FRS2: variants seen among roughly 807,000 people sequenced by gnomAD.
FRS2 encodes fibroblast growth factor receptor substrate 2, also known as FGFR signalling adaptor.
FRS2 carries 8 observed loss-of-function variants against 43.9 expected under a neutral mutation model. That is an observed-to-expected ratio of 0.18 (90% CI 0.11 to 0.33). FRS2 has a LOEUF of 0.33. Ranked by LOEUF, FRS2 falls within the 10% of genes least tolerant of loss-of-function variation. FRS2 has a pLI of 1.00. For synonymous variants in FRS2, 219 were observed against 220.3 expected, an observed-to-expected ratio of 0.99 and a Z score of 0.05; for missense variants, 534 against 627.6, an observed-to-expected ratio of 0.85 and a Z score of 1.59.
At chr12:69,528,817 C>A (rs1223596353) in intron 1 of FRS2, among the ~76,000 whole-genome samples, 5 of 152,060 alleles carry the variant, frequency 3.3e-5, no homozygotes, top group African/African-American at 1.2e-4. Flanking sequence ...AGATGACTTA[C>A]AAAAACAAAG....
intron 3 of FRS2, among the ~76,000 whole-genome samples, chr12:69,540,184 C>T (rs1435080552): frequency 1.4e-5 from 2 of 144,200 alleles, no homozygotes; most frequent in Non-Finnish European, 3.0e-5. Flanking sequence ...ACCCAGGAGG[C>T]AGAGCTTGCA....
intron 3 of FRS2, among the ~76,000 whole-genome samples, chr12:69,552,327 A>AAAC (rs1818623437): frequency 6.7e-6 from 1 of 149,668 alleles, no homozygotes; most frequent in East Asian, 2.1e-4. Flanking sequence ...AAAAAAAAAA[A>AAAC]TCATGTCTCA....
At chr12:69,534,391 G>C (rs988239556) in intron 3 of FRS2, among the ~76,000 whole-genome samples, 9 of 152,054 alleles carry the variant, frequency 5.9e-5, no homozygotes, top group African/African-American at 2.2e-4. Flanking sequence ...ATTCAGAATA[G>C]GTTGAAACTC....
At chr12:69,518,075 G>A (rs1187270950) in intron 1 of FRS2, among the ~76,000 whole-genome samples, 1 of 152,138 alleles carries the variant, frequency 6.6e-6, no homozygotes, top group Non-Finnish European at 1.5e-5. Context: ...TCTTAACTAA[G>A]TTTTGTGGAT....
Position 69,503,549 on chromosome 12 carries a change from G to C in FRS2, c.-260-27316G>C, listed in dbSNP as rs749002863. Reference sequence around the variant, plus strand: ...CCAGTAAGTGATGCAGTCGCCTCTTGTGTGTGGTGTGTGAAGAGGAGCATT... The same window carrying C: ...CCAGTAAGTGATGCAGTCGCCTCTTCTGTGTGGTGTGTGAAGAGGAGCATT... On this transcript the variant is annotated intron_variant, in intron 1 of 8. Transcript: ENST00000549921. 3.2e-4 allele frequency among the ~76,000 whole-genome samples: 48 copies of C among 152,140 alleles called. 1 individual carries two copies. Among genetic ancestry groups the C allele is most frequent in the Admixed American group, 2.0e-4 (3 of 15,274 alleles).
At chr12:69,498,519 T>TTG (rs71094717) in intron 1 of FRS2, among the ~76,000 whole-genome samples, 2,532 of 141,568 alleles carry the variant, frequency 0.018, 29 homozygotes, top group African/African-American at 0.027. Context: ...TTATGAGGGT[T>TTG]TGTGTGTGTG....
intron 3 of FRS2, among the ~76,000 whole-genome samples, chr12:69,536,582 T>TG (rs2135685412): frequency 6.6e-6 from 1 of 151,162 alleles, no homozygotes; most frequent in Admixed American, 6.6e-5. Flanking sequence ...TTTTTTAATT[T>TG]TTTTTTTTCT....
intron 1 of FRS2, among the ~76,000 whole-genome samples, chr12:69,520,381 T>G (rs1193714173): frequency 1.3e-5 from 2 of 150,476 alleles, no homozygotes; most frequent in Admixed American, 6.6e-5. Flanking sequence ...TATTAGTTTT[T>G]TTTTTTTTTT....
intron 1 of FRS2, among the ~76,000 whole-genome samples, chr12:69,500,814 G>T (rs1404934507): frequency 6.6e-6 from 1 of 152,122 alleles, no homozygotes; most frequent in Non-Finnish European, 1.5e-5. Context: ...ATATACAAAG[G>T]TATGAACCAA....
At chr12:69,477,460 T>G (rs1031737189) in intron 1 of FRS2, among the ~76,000 whole-genome samples, 15 of 151,238 alleles carry the variant, frequency 9.9e-5, no homozygotes, top group Middle Eastern at 3.4e-3. Flanking sequence ...TTTTTTGTAT[T>G]TTTAGTAGAA....
At chr12:69,546,773 C>T (rs568589466) in intron 3 of FRS2, among the ~76,000 whole-genome samples, 26 of 152,028 alleles carry the variant, frequency 1.7e-4, no homozygotes, top group Non-Finnish European at 3.2e-4. Context: ...TATGCACTGT[C>T]GGTGAGAATA....
chr12:69,540,335 C>CA lies in FRS2; in HGVS notation c.-122+8290dup, dbSNP rs372869960. Among the ~76,000 whole-genome samples the CA allele has an allele frequency of 2.0e-3, 282 of 142,742 alleles. 1 individual carries two copies. Among genetic ancestry groups the CA allele is most frequent in the African/African-American group, 4.7e-3 (185 of 39,098 alleles). The allele number at this position is 142,742 out of a possible 152,430, so 93.6% of individuals were successfully genotyped here. A position where few individuals can be genotyped will look rare whatever the true frequency, so the allele number is the denominator to read the frequency against. On this transcript the variant is annotated intron_variant, in intron 3 of 8. Coordinates refer to ENST00000549921, the MANE Select transcript of FRS2 (RefSeq NM_001278356.2). ...ATCAGCTTAGAACATCTTGTAGTGCCAAAAAAAAAAAGTAAAGAAGGGCTT... is the reference window on the plus strand; with the variant it reads ...ATCAGCTTAGAACATCTTGTAGTGCCAAAAAAAAAAAAGTAAAGAAGGGCTT...
intron 1 of FRS2, among the ~76,000 whole-genome samples, chr12:69,473,114 A>G (rs1271503374): frequency 3.3e-5 from 5 of 152,256 alleles, no homozygotes; most frequent in Non-Finnish European, 7.3e-5. Context: ...GCTACTGTTT[A>G]TTGAGCATTT....
intron 1 of FRS2, among the ~76,000 whole-genome samples, chr12:69,497,849 A>T (rs1309721577): frequency 6.6e-6 from 1 of 152,218 alleles, no homozygotes; most frequent in East Asian, 1.9e-4. Flanking sequence ...TGGGTGAGAT[A>T]GAAAGTCCTT....
At position 69,570,392 on chromosome 12, in the gene FRS2, C is replaced by G. The variant is rs778074114; in HGVS notation, c.128C>G (p.Thr43Arg). 1.2e-6 allele frequency: 2 copies of G among 1,613,560 alleles called. No individual in the cohort carries two copies. The highest frequency in any genetic ancestry group is 1.7e-6 in the Non-Finnish European group (2 of 1,179,550). ...LGSGIMELTD[T>R]ELILYTRKRD... ...TCTGGCATAATGGAACTTACAGACA[C>G]AGAACTGATTTTATACACCCGCAAA... The change falls in exon 6 of 9, where the codon ACA becomes AGA. Residue 43 changes from threonine to arginine, a missense_variant. Around this residue, in one of 3 missense-constraint regions of FRS2, gnomAD observed 76 missense variants for 90.5 expected, o/e 0.84. Coordinates refer to ENST00000549921, the MANE Select transcript of FRS2 (RefSeq NM_001278356.2).
chr12:69,577,759 G>C lies in FRS2; in HGVS notation c.*2804G>C, dbSNP rs1249866909. The C allele has an allele frequency of 6.6e-6, 1 of 152,588 alleles. No individual in the cohort carries two copies. Among genetic ancestry groups the C allele is most frequent in the South Asian group, 2.1e-4 (1 of 4,826 alleles). 9.5% of individuals were successfully genotyped at this position (152,588 alleles called of 1,614,324 possible). On this transcript the variant is annotated 3_prime_UTR_variant, in exon 9 of 9. Coordinates refer to ENST00000549921, the MANE Select transcript of FRS2 (RefSeq NM_001278356.2). ...ATGGTGCCTTCCCTCCCTCCAGGAA[G>C]ACTGGCAAATATTTCCTTTTATTTA...
intron 1 of FRS2, among the ~76,000 whole-genome samples, chr12:69,529,676 C>A (rs958464903): frequency 1.3e-5 from 2 of 151,814 alleles, no homozygotes; most frequent in Non-Finnish European, 2.9e-5. Context: ...AATATTTCAT[C>A]AATTTAAGTT....
At chr12:69,551,377 A>C (rs1187701941) in intron 3 of FRS2, among the ~76,000 whole-genome samples, 1 of 73,482 alleles carries the variant, frequency 1.4e-5, no homozygotes, top group East Asian at 2.8e-4. Context: ...AACAAACCCA[A>C]CTACCAGTAA....
At chr12:69,562,076 T>C (rs982938733) in intron 3 of FRS2, 104 bp from the exon 4 acceptor site, 1 of 393,092 alleles carries the variant, frequency 2.5e-6, no homozygotes, top group African/African-American at 2.1e-5. Flanking sequence ...GACTTTTGAG[T>C]TTGTTTAAAT....
Sources: gnomAD v4.1 joint callset for allele counts (sites outside exome capture counted in the v4.1 genomes callset) on GRCh38, gnomAD v4.1.1 for gene constraint, gnomAD v4.1.1 regional missense constraint, MANE v1.5 for transcripts, NCBI Gene and HGNC (gene_info 2026-07-23, HGNC 2026-07-21) for gene names.